GLS: variants seen among roughly 807,000 people sequenced by gnomAD.
The protein encoded by GLS is glutaminase kidney isoform, mitochondrial.
Under a neutral mutation model 86.7 loss-of-function variants are expected in GLS, and 36 were observed. That is an observed-to-expected ratio of 0.42 (90% CI 0.32 to 0.55). GLS has a LOEUF of 0.55. Ranked by LOEUF, GLS falls within the 20% of genes least tolerant of loss-of-function variation. GLS has a pLI of 0.17. For synonymous variants in GLS, 317 were observed against 305.9 expected, an observed-to-expected ratio of 1.04 and a Z score of -0.38; for missense variants, 528 against 833.4, an observed-to-expected ratio of 0.63 and a Z score of 4.51.
In GLS at chr2:190,949,953, T is replaced by C. The variant is rs1690676025; in HGVS notation, c.1651-3612T>C. Among the ~76,000 whole-genome samples, 1 of 149,822 alleles carries C rather than the reference T, an allele frequency of 6.7e-6. No homozygotes were observed. Among genetic ancestry groups the C allele is most frequent in the South Asian group, 2.1e-4 (1 of 4,812 alleles). ...AATATATATACTTTATATATAGTTA[T>C]ATATAACAAATATAGTTAAAAAGGA... On this transcript the variant is annotated intron_variant, in intron 14 of 17. Transcript: ENST00000320717. The surrounding 1 kb of genome is among the most constrained non-coding windows in gnomAD (Gnocchi z 4.0).
chr2:190,933,703 T>G, intron 14 of GLS: 1 of 910,350 alleles, frequency 1.1e-6, no homozygotes, highest in Non-Finnish European at 1.3e-6. Context: ...CACATAACTT[T>G]TTCTATGTTA....
In GLS at chr2:190,938,383, T is replaced by C. The variant is rs1232538782; in HGVS notation, c.1650+6746T>C. Among the ~76,000 whole-genome samples, 1 of 151,608 alleles carries C rather than the reference T, an allele frequency of 6.6e-6. No individual in the cohort carries two copies. ...AAATCTCCTCTGCACAGCAATTATA[T>C]TTGGAATCCTGAGCTATAATTAAAT... On this transcript the variant is annotated intron_variant, in intron 14 of 17. Transcript: ENST00000320717. The surrounding 1 kb of genome is among the most constrained non-coding windows in gnomAD (Gnocchi z 4.1).
chr2:190,963,329 A>G lies in GLS; in HGVS notation c.*343A>G, dbSNP rs890915190. 1.0e-5 allele frequency: 2 copies of G among 190,742 alleles called. No homozygotes were observed. Among genetic ancestry groups the G allele is most frequent in the African/African-American group, 4.7e-5 (2 of 42,230 alleles). 11.8% of individuals were successfully genotyped at this position (190,742 alleles called of 1,614,324 possible). A position where few individuals can be genotyped will look rare whatever the true frequency, so the allele number is the denominator to read the frequency against. On this transcript the variant is annotated 3_prime_UTR_variant, in exon 18 of 18. Transcript: ENST00000320717. ...ATGATCTGCTGATATGCATTTATAA[A>G]GTAAGCTCTGTTGTACAGTCTGTCC...
chr2:190,963,812 AGAC>A lies in GLS; in HGVS notation c.*829_*831del, dbSNP rs1691059614. On this transcript the variant is annotated 3_prime_UTR_variant, in exon 18 of 18. Coordinates refer to ENST00000320717, the MANE Select transcript of GLS (RefSeq NM_014905.5). ...CAGAACTTTGCCATTTGTCTACAGA[AGAC>A]GAACCAGAGACAAAATTACTAAGTA... 6.6e-6 allele frequency: 1 copy of A among 152,326 alleles called. No homozygotes were observed. The highest frequency in any genetic ancestry group is 6.5e-5 in the Admixed American group (1 of 15,268). 9.4% of individuals were successfully genotyped at this position (152,326 alleles called of 1,614,324 possible).
chr2:190,933,246 TTTTTC>T (rs1690167714), intron 14 of GLS: 3 of 895,946 alleles, frequency 3.3e-6, no homozygotes, highest in African/African-American at 1.8e-5. Context: ...TGCATTTTGT[TTTTTC>T]TTTTCCATTT....
At chr2:190,960,001 A>C (rs1690961021) in intron 17 of GLS, among the ~76,000 whole-genome samples, 1 of 152,158 alleles carries the variant, frequency 6.6e-6, no homozygotes, top group Non-Finnish European at 1.5e-5. Flanking sequence ...AGTGGGAAAA[A>C]TATGCCTAGA....
At chr2:190,941,954 C>T (rs1392393870) in intron 14 of GLS, among the ~76,000 whole-genome samples, 1 of 149,972 alleles carries the variant, frequency 6.7e-6, no homozygotes, top group Non-Finnish European at 1.5e-5. Context: ...ACCCCAGGTG[C>T]TTCTGCTGTA....
In GLS at chr2:190,913,127, T is replaced by A; in HGVS notation, c.1038+2806T>A. ...CATGTTAATCCCCCCACCCCAAAAT[T>A]AAGTAGAGTCTTTAGTAAGACTCTT... On this transcript the variant is annotated intron_variant, in intron 7 of 17. Coordinates refer to ENST00000320717, the MANE Select transcript of GLS (RefSeq NM_014905.5). This position sits in a 1 kb window ranked among gnomAD's most constrained non-coding sequence, Gnocchi z 6.1. 7.9e-7 allele frequency: 1 copy of A among 1,268,198 alleles called. No homozygotes were observed. The highest frequency in any genetic ancestry group is 1.3e-5 in the South Asian group (1 of 80,000). The allele number at this position is 1,268,198 out of a possible 1,614,324, so 78.6% of individuals were successfully genotyped here.
In GLS at chr2:190,931,529, G is replaced by C. The variant is rs773208037; in HGVS notation, c.1558-16G>C. ...ATAGCCAATTTCTTATACCTGCTCT[G>C]TATAACTGTTTACAGGATCTTGTTT... On this transcript the variant is annotated splice_polypyrimidine_tract_variant and intron_variant, in intron 13 of 17. Coordinates refer to ENST00000320717, the MANE Select transcript of GLS (RefSeq NM_014905.5). 2.4e-6 allele frequency: 3 copies of C among 1,240,606 alleles called. No homozygotes were observed. The African/African-American group carries it at 4.5e-5, about 19-fold the overall frequency. The allele number at this position is 1,240,606 out of a possible 1,614,324, so 76.8% of individuals were successfully genotyped here.
At chr2:190,916,680 A>G (rs985095941) in intron 7 of GLS, among the ~76,000 whole-genome samples, 1 of 152,174 alleles carries the variant, frequency 6.6e-6, no homozygotes, top group African/African-American at 2.4e-5. Flanking sequence ...TGGGGGAGAA[A>G]CATTCTTTAG....
intron 14 of GLS, among the ~76,000 whole-genome samples, chr2:190,940,663 G>T (rs1290571569): frequency 6.6e-6 from 1 of 151,694 alleles, no homozygotes; most frequent in Non-Finnish European, 1.5e-5. Flanking sequence ...TTAAGAAAGT[G>T]GCTGAAGTCC....
Position 190,947,542 on chromosome 2 carries a change from T to C in GLS, c.1651-6023T>C, listed in dbSNP as rs1690607491. On this transcript the variant is annotated intron_variant, in intron 14 of 17. Coordinates refer to ENST00000320717, the MANE Select transcript of GLS (RefSeq NM_014905.5). This position sits in a 1 kb window ranked among gnomAD's most constrained non-coding sequence, Gnocchi z 5.0. ...GCCCAGGTGCAGTGTCTCTTTGCCA[T>C]GGGGAGGTATACATTAAACATCAGA... is the stretch of plus-strand genomic sequence containing the variant. Among the ~76,000 whole-genome samples, 1 of 152,180 alleles carries C rather than the reference T, an allele frequency of 6.6e-6. No individual in the cohort carries two copies. Among genetic ancestry groups the C allele is most frequent in the African/African-American group, 2.4e-5 (1 of 41,452 alleles).
chr2:190,900,424 A>G (rs1001080183), intron 3 of GLS, 140 bp from the exon 4 acceptor site: 4 of 467,038 alleles, frequency 8.6e-6, no homozygotes, highest in African/African-American at 8.0e-5. Context: ...ATAATGTAGA[A>G]AGCATAATTT....
intron 14 of GLS, chr2:190,933,622 T>C (rs1690178215): frequency 1.1e-6 from 1 of 949,798 alleles, no homozygotes; most frequent in Admixed American, 6.2e-5. Flanking sequence ...AATGGTTAGT[T>C]ACTCAGAAGG....
In GLS at chr2:190,962,377, CT is replaced by C. The variant is rs1691024206; in HGVS notation, c.1854-451del. On this transcript the variant is annotated intron_variant, in intron 17 of 17. Coordinates refer to ENST00000320717, the MANE Select transcript of GLS (RefSeq NM_014905.5). The surrounding 1 kb of genome is among the most constrained non-coding windows in gnomAD (Gnocchi z 4.2). ...CATGGTTATTTCTAGACTTCTGAGA[CT>C]TACTGTGGCTTTGAATTGACACAAA... Among the ~76,000 whole-genome samples the C allele has an allele frequency of 6.6e-6, 1 of 152,184 alleles. No homozygotes were observed. The highest frequency in any genetic ancestry group is 1.5e-5 in the Non-Finnish European group (1 of 68,042).
intron 7 of GLS, among the ~76,000 whole-genome samples, chr2:190,915,289 C>G (rs1381788856): frequency 6.6e-6 from 1 of 151,888 alleles, no homozygotes; most frequent in African/African-American, 2.4e-5. Flanking sequence ...CGTGAGCCAC[C>G]GCGCCCGGCC....
In GLS at chr2:190,938,772, C is replaced by A. The variant is rs1238281530; in HGVS notation, c.1650+7135C>A. Among the ~76,000 whole-genome samples, 1 of 151,680 alleles carries A rather than the reference C, an allele frequency of 6.6e-6. No individual in the cohort carries two copies. Among genetic ancestry groups the A allele is most frequent in the African/African-American group, 2.4e-5 (1 of 41,420 alleles). ...GTTAATGTGACTATAAGTTATTTGGCAGATGGTACCATCAGCATTTATTAA... is the reference window on the plus strand; with the variant it reads ...GTTAATGTGACTATAAGTTATTTGGAAGATGGTACCATCAGCATTTATTAA... On this transcript the variant is annotated intron_variant, in intron 14 of 17. Coordinates refer to ENST00000320717, the MANE Select transcript of GLS (RefSeq NM_014905.5). The surrounding 1 kb of genome is among the most constrained non-coding windows in gnomAD (Gnocchi z 4.1).
chr2:190,922,602 T>C (rs964481523), intron 9 of GLS, among the ~76,000 whole-genome samples: 1 of 152,182 alleles, frequency 6.6e-6, no homozygotes, highest in African/African-American at 2.4e-5. Context: ...ATCCCTGTTA[T>C]CTGGCAGATA....
Position 190,930,931 on chromosome 2 carries a change from T to C in GLS, c.1557+363T>C, listed in dbSNP as rs1690089363. ...TATCTTTAATCTGCATGGTTAAATA[T>C]CTTTATCCATTGACTACCTTTAAAC... On this transcript the variant is annotated intron_variant, in intron 13 of 17. Transcript: ENST00000320717. The surrounding 1 kb of genome is among the most constrained non-coding windows in gnomAD (Gnocchi z 5.0). 6.6e-6 allele frequency among the ~76,000 whole-genome samples: 1 copy of C among 152,224 alleles called. No homozygotes were observed.
Sources: allele counts gnomAD v4.1 joint callset (sites outside exome capture counted in the v4.1 genomes callset), GRCh38; gene constraint gnomAD v4.1.1; non-coding constraint Gnocchi (gnomAD v3.1); transcripts MANE v1.5; gene names NCBI Gene and HGNC (gene_info 2026-07-23, HGNC 2026-07-21).